The following ZBTB20 variants were observed in gnomAD, a reference collection of about 807,000 sequenced individuals.
ZBTB20 encodes zinc finger and BTB domain-containing protein 20.
In ZBTB20, 9 loss-of-function variants were observed where a neutral mutation model predicts 56.9. That is an observed-to-expected ratio of 0.16 (90% confidence interval 0.10 to 0.28). The LOEUF (loss-of-function observed/expected upper bound fraction) is 0.28, where lower values mean the gene tolerates loss of function less well. Ranked by LOEUF, ZBTB20 falls within the 10% of genes least tolerant of loss-of-function variation. The pLI, the probability that ZBTB20 is intolerant of heterozygous loss-of-function variation, is 1.00. For synonymous variants in ZBTB20, 417 were observed against 420.7 expected, an observed-to-expected ratio of 0.99 and a Z score of 0.11; for missense variants, 655 against 1,003.0, an observed-to-expected ratio of 0.65 and a Z score of 4.69.
At chr3:115,005,459 C>T (rs2079426487) in intron 2 of ZBTB20, among the ~76,000 whole-genome samples, 1 of 151,614 alleles carries the variant, frequency 6.6e-6, no homozygotes, top group South Asian at 2.1e-4. Flanking sequence ...GTTGCTATTA[C>T]TATTTTGAAC....
rs7646208 is a variant in ZBTB20 at position 114,619,057 on chromosome 3, T to C, written c.-295+74471A>G. 9.0e-3 allele frequency among the ~76,000 whole-genome samples: 1,374 copies of C among 152,298 alleles called. 27 individuals carry two copies. Among genetic ancestry groups the C allele is most frequent in the African/African-American group, 0.03 (1,250 of 41,560 alleles). On this transcript the variant is annotated intron_variant, in intron 6 of 11. Coordinates refer to ENST00000675478, the MANE Select transcript of ZBTB20 (RefSeq NM_001348800.3). ...TTGTACATGACTACCCAGGAGGACATTGTGTTACAAATCCTGCCAGAATGA... is the reference window on the plus strand; with the variant it reads ...TTGTACATGACTACCCAGGAGGACACTGTGTTACAAATCCTGCCAGAATGA...
At chr3:114,869,279 G>T (rs1476430965) in intron 4 of ZBTB20, among the ~76,000 whole-genome samples, 1 of 152,030 alleles carries the variant, frequency 6.6e-6, no homozygotes, top group African/African-American at 2.4e-5. Context: ...ACCAAGTTCT[G>T]CTAATGTAAA....
chr3:114,676,694 A>C (rs951721610), intron 6 of ZBTB20, among the ~76,000 whole-genome samples: 1 of 151,978 alleles, frequency 6.6e-6, no homozygotes, highest in Admixed American at 6.6e-5. Flanking sequence ...AATGTCTAAA[A>C]TTTAGTGAGA....
intron 10 of ZBTB20, among the ~76,000 whole-genome samples, chr3:114,357,779 C>T (rs896879139): frequency 6.6e-6 from 1 of 152,168 alleles, no homozygotes; most frequent in Non-Finnish European, 1.5e-5. Context: ...GATTGCATTA[C>T]TCTGATGCAT....
At chr3:114,765,842 T>C (rs1464906322) in intron 5 of ZBTB20, among the ~76,000 whole-genome samples, 1 of 152,178 alleles carries the variant, frequency 6.6e-6, no homozygotes, top group Non-Finnish European at 1.5e-5. Flanking sequence ...ATGGAACATA[T>C]GGTTTTCAAT....
chr3:114,931,686 T>C (rs2076367110), intron 3 of ZBTB20, among the ~76,000 whole-genome samples: 1 of 152,112 alleles, frequency 6.6e-6, no homozygotes, highest in African/African-American at 2.4e-5. Flanking sequence ...AAGGTTTTTA[T>C]TGTTGTTGTT....
intron 6 of ZBTB20, among the ~76,000 whole-genome samples, chr3:114,604,647 C>T (rs1048571047): frequency 2.0e-5 from 3 of 151,906 alleles, no homozygotes; most frequent in Admixed American, 6.6e-5. Context: ...TTTTAGCTAC[C>T]GGTGCAGCCA....
chr3:115,015,939 G>A (rs1321855136), intron 2 of ZBTB20, among the ~76,000 whole-genome samples: 1 of 151,836 alleles, frequency 6.6e-6, no homozygotes. Context: ...CCCCCCAACA[G>A]TGCAAAAGCA....
chr3:114,968,501 A>G (rs1208705177), intron 3 of ZBTB20, among the ~76,000 whole-genome samples: 1 of 152,250 alleles, frequency 6.6e-6, no homozygotes, highest in Admixed American at 6.5e-5. Context: ...GAAGTCCAAC[A>G]TAATGACTTG....
At chr3:114,954,837 T>TCATA in intron 3 of ZBTB20, among the ~76,000 whole-genome samples, 1 of 152,314 alleles carries the variant, frequency 6.6e-6, no homozygotes, top group South Asian at 2.1e-4. Context: ...GAGTTCTGGC[T>TCATA]AGAACAACAT....
intron 7 of ZBTB20, among the ~76,000 whole-genome samples, chr3:114,400,019 T>C (rs1161923240): frequency 3.3e-5 from 5 of 152,150 alleles, no homozygotes; most frequent in Admixed American, 3.3e-4. Context: ...GGCTAGCTAA[T>C]GAGTAGTAGA....
intron 9 of ZBTB20, 76 bp downstream of exon 9, chr3:114,380,701 A>G (rs759507730): frequency 1.4e-6 from 2 of 1,451,098 alleles, no homozygotes; most frequent in South Asian, 1.5e-5. Flanking sequence ...TATGGCTGAC[A>G]TTATCCAAGA....
chr3:114,931,703 T>TG (rs1220426912), intron 3 of ZBTB20, among the ~76,000 whole-genome samples: 1 of 151,962 alleles, frequency 6.6e-6, no homozygotes, highest in East Asian at 1.9e-4. Flanking sequence ...TGTTTTTGTG[T>TG]GTTTTTTTTT....
At chr3:114,422,005 C>A (rs2089222091) in intron 7 of ZBTB20, among the ~76,000 whole-genome samples, 2 of 152,088 alleles carry the variant, frequency 1.3e-5, no homozygotes, top group South Asian at 4.1e-4. Context: ...GAAACAAGCA[C>A]AAGTATAGCT....
chr3:114,817,194 C>T (rs1342423732), intron 4 of ZBTB20, among the ~76,000 whole-genome samples: 7 of 18,090 alleles, frequency 3.9e-4, no homozygotes, highest in African/African-American at 4.8e-4. Flanking sequence ...ACAACTTATA[C>T]ACACACACAC....
At chr3:114,504,109 A>T (rs2044313855) in intron 6 of ZBTB20, among the ~76,000 whole-genome samples, 1 of 152,202 alleles carries the variant, frequency 6.6e-6, no homozygotes, top group African/African-American at 2.4e-5. Context: ...AACTAAAGCC[A>T]GCAGCAAAGA....
At chr3:114,425,107 C>T (rs557304295) in intron 7 of ZBTB20, among the ~76,000 whole-genome samples, 6 of 150,016 alleles carry the variant, frequency 4.0e-5, no homozygotes, top group South Asian at 2.1e-4. Context: ...AACAAGGTGT[C>T]GCTCTGAAAT....
chr3:114,752,097 T>C (rs1316625796), intron 5 of ZBTB20, among the ~76,000 whole-genome samples: 1 of 152,188 alleles, frequency 6.6e-6, no homozygotes, highest in Non-Finnish European at 1.5e-5. Flanking sequence ...TGTATTATCT[T>C]ATTAATTTCT....
At chr3:114,757,668 T>C (rs1444313656) in intron 5 of ZBTB20, among the ~76,000 whole-genome samples, 1 of 152,144 alleles carries the variant, frequency 6.6e-6, no homozygotes, top group Non-Finnish European at 1.5e-5. Flanking sequence ...TTAAAAAATA[T>C]ATTTTCTAAA....
Sources: allele counts gnomAD v4.1 joint callset (sites outside exome capture counted in the v4.1 genomes callset), GRCh38; gene constraint gnomAD v4.1.1; transcripts MANE v1.5; gene names NCBI Gene and HGNC (gene_info 2026-07-23, HGNC 2026-07-21).